The following HLA-DQB2 variants were observed in gnomAD, a reference collection of about 807,000 sequenced individuals.
HLA-DQB2 encodes the protein major histocompatibility complex, class II, DQ beta 2.
In HLA-DQB2, 24 loss-of-function variants were observed where a neutral mutation model predicts 29.2. The ratio of observed to expected loss-of-function variants is 0.82; its 90% CI spans 0.60 to 1.16. HLA-DQB2 has a LOEUF of 1.16. HLA-DQB2 is among the 50% of genes most tolerant of loss of function. HLA-DQB2 has a pLI of 0.00. For missense variants in HLA-DQB2, 273 were observed against 343.6 expected, an observed-to-expected ratio of 0.79 and a Z score of 1.62; for synonymous variants, 104 against 133.1, an observed-to-expected ratio of 0.78 and a Z score of 1.51.
At chr6:32,758,775 G>A in intron 3 of HLA-DQB2, 75 bp downstream of exon 3, 1 of 1,524,094 alleles carries the variant, frequency 6.6e-7, no homozygotes, top group Non-Finnish European at 8.9e-7. Flanking sequence ...CAAGAGATGG[G>A]ATGGGAAGGA....
intron 5 of HLA-DQB2, 26 bp from the exon 6 acceptor site, chr6:32,756,492 C>A: frequency 6.4e-7 from 1 of 1,568,466 alleles, no homozygotes; most frequent in Non-Finnish European, 8.7e-7. Context: ...GAGGCATGAT[C>A]AGCACAGGGT....
intron 3 of HLA-DQB2, among the ~76,000 whole-genome samples, chr6:32,758,271 AT>A (rs1320573667): frequency 6.6e-6 from 1 of 152,154 alleles, no homozygotes; most frequent in Non-Finnish European, 1.5e-5. Context: ...ATTAGACCAG[AT>A]TCTTGTCACC....
intron 2 of HLA-DQB2, among the ~76,000 whole-genome samples, chr6:32,759,617 T>C (rs1040046982): frequency 6.6e-6 from 1 of 152,230 alleles, no homozygotes; most frequent in Non-Finnish European, 1.5e-5. Context: ...ATTTAATGTA[T>C]GCTTTATTTA....
Position 32,759,106 on chromosome 6 carries a change from T to C in HLA-DQB2, c.390A>G (p.Pro130=), listed in dbSNP as rs753015252. 6.8e-6 allele frequency: 11 copies of C among 1,613,508 alleles called. No homozygotes were observed. Among genetic ancestry groups the C allele is most frequent in the Admixed American group, 1.7e-5 (1 of 60,012 alleles). The change falls in exon 3 of 6, where the codon CCA becomes CCG. Residue 130 remains proline (P), a synonymous_variant. Transcript: ENST00000437316. The part of the protein sequence containing the change: ...RQVEPTVTIS[P]SRTEALNHHN... ...GGTGGTTGAGGGCCTCTGTCCTGGA[T>C]GGGGAGATGGTCACTGTGGGCTCCA...
At chr6:32,757,379 C>T in intron 4 of HLA-DQB2, 75 bp from the exon 5 acceptor site, 1 of 1,115,458 alleles carries the variant, frequency 9.0e-7, no homozygotes, top group Non-Finnish European at 1.3e-6. Context: ...GAAAATGACA[C>T]ATGTAGTTTA....
In HLA-DQB2 at chr6:32,758,868, G is replaced by A; in HGVS notation, c.628C>T (p.Pro210Ser). ...CCCTTACGCCACTCCACGGTGATGGGGCTCTGGAGGCTGGGGTGCTCCACT... is the reference window on the plus strand; with the variant it reads ...CCCTTACGCCACTCCACGGTGATGGAGCTCTGGAGGCTGGGGTGCTCCACT... ...CQVEHPSLQS[P>S]ITVEWRAQSE... The change falls in exon 3 of 6, where the codon CCC becomes TCC. Residue 210 changes from proline (P) to serine (S), a missense_variant. By Grantham distance (74) the Pro-to-Ser change is moderately conservative (BLOSUM62 -1). Transcript: ENST00000437316. 1 of 1,613,894 alleles carries A rather than the reference G, an allele frequency of 6.2e-7. No individual in the cohort carries two copies. Among genetic ancestry groups the A allele is most frequent in the African/African-American group, 1.3e-5 (1 of 75,054 alleles).
At chr6:32,761,026 A>G (rs1764740934) in intron 2 of HLA-DQB2, among the ~76,000 whole-genome samples, 1 of 152,286 alleles carries the variant, frequency 6.6e-6, no homozygotes, top group African/African-American at 2.4e-5. Flanking sequence ...CGAGTCAGGT[A>G]CTAGGCATGC....
chr6:32,757,046 C>A, intron 5 of HLA-DQB2: 1 of 1,373,384 alleles, frequency 7.3e-7, no homozygotes, highest in South Asian at 1.6e-5. Context: ...TTGAGACAGA[C>A]TCTAGCTCTA....
In HLA-DQB2 at chr6:32,761,670, C is replaced by G; in HGVS notation, c.354G>C (p.Leu118Phe). ...GACGACGACGCTCACCTTGCCGCTG[C>G]AAGGTCGTGCGCAGCTCCGCCTCGT... ...HNYEAELRTT[L>F]QRQVEPTVTI... Residue 118 changes from leucine (L) to phenylalanine (F), a missense_variant, in exon 2 of 6, where the codon TTG (leucine) becomes TTC (phenylalanine). Transcript: ENST00000437316. 6.5e-7 allele frequency: 1 copy of G among 1,549,090 alleles called. No homozygotes were observed. Among genetic ancestry groups the G allele is most frequent in the Non-Finnish European group, 8.7e-7 (1 of 1,147,082 alleles).
rs1205042742 is a variant in HLA-DQB2, at chr6:32,758,986, C to T, written c.510G>A (p.Val170=). 8.7e-6 allele frequency: 14 copies of T among 1,614,128 alleles called. No homozygotes were observed. The highest frequency in any genetic ancestry group is 1.1e-5 in the Non-Finnish European group (13 of 1,180,062). The part of the protein sequence containing the change: ...RNDQEETAGV[V]STSLIRNGDW... ...CACCATTCCTAATGAGGGAGGTGGA[C>T]ACAACACCGGCTGTCTCCTCCTGGT... The change falls in exon 3 of 6, where the codon GTG becomes GTA. Residue 170 remains valine, a synonymous_variant. Transcript: ENST00000437316.
At chr6:32,761,599 G>A in intron 2 of HLA-DQB2, 61 bp downstream of exon 2, 3 of 1,432,114 alleles carry the variant, frequency 2.1e-6, no homozygotes, top group Non-Finnish European at 2.7e-6. Context: ...TCGCCCCTCT[G>A]TGCGCAAGAG....
chr6:32,757,129 C>T (rs1286441295), intron 5 of HLA-DQB2, 152 bp downstream of exon 5: 2 of 1,462,426 alleles, frequency 1.4e-6, no homozygotes, highest in African/African-American at 1.4e-5. Flanking sequence ...AAGTGATTCT[C>T]TTGCCTCAAC....
intron 5 of HLA-DQB2, chr6:32,756,697 A>C (rs1764290442): frequency 7.5e-7 from 1 of 1,332,334 alleles, no homozygotes; most frequent in Non-Finnish European, 9.6e-7. Context: ...CCTTCTGGGT[A>C]ATATGAAGAG....
chr6:32,761,883 G>A lies in HLA-DQB2; in HGVS notation c.141C>T (p.Asn47=). The change falls in exon 2 of 6, where the codon AAC becomes AAT. Residue 47 remains asparagine, a synonymous_variant. Transcript: ENST00000437316. ...CCACACCGCGCACGCGCTCTGTCCC[G>A]TTGGTGAAGTAGCACATGCCCTTAA... The part of the protein sequence containing the change: ...VQFKGMCYFT[N]GTERVRGVAR... 1 of 1,612,464 alleles carries A rather than the reference G, an allele frequency of 6.2e-7. No individual in the cohort carries two copies. Among genetic ancestry groups the A allele is most frequent in the Non-Finnish European group, 8.5e-7 (1 of 1,179,412 alleles).
Position 32,758,941 on chromosome 6 carries a change from C to T in HLA-DQB2, c.555G>A (p.Leu185=). The part of the protein sequence containing the change: ...IRNGDWTFQI[L]VMLEITPQRG... The stretch of plus-strand genomic sequence containing the variant: ...GCTGGGGAGTTATTTCCAGCATCAC[C>T]AGAATCTGGAAGGTCCAGTCACCAT... The change falls in exon 3 of 6, where the codon CTG becomes CTA. Residue 185 remains leucine (L), a synonymous_variant. Coordinates refer to ENST00000437316, the MANE Select transcript of HLA-DQB2 (RefSeq NM_001300790.2). 1 of 1,614,206 alleles carries T rather than the reference C, an allele frequency of 6.2e-7. No individual in the cohort carries two copies. The highest frequency in any genetic ancestry group is 8.5e-7 in the Non-Finnish European group (1 of 1,180,034).
intron 3 of HLA-DQB2, 141 bp downstream of exon 3, chr6:32,758,709 G>T: frequency 1.1e-6 from 1 of 933,192 alleles, no homozygotes. Context: ...TGCTTGCCAT[G>T]GGGCAACAGG....
chr6:32,757,906 A>G, intron 3 of HLA-DQB2, 23 bp from the exon 4 acceptor site: 2 of 1,557,714 alleles, frequency 1.3e-6, no homozygotes, highest in Non-Finnish European at 1.8e-6. Context: ...ACTGAGTGTG[A>G]GTGTTTGTCC....
chr6:32,756,749 A>G, intron 5 of HLA-DQB2: 1 of 1,289,652 alleles, frequency 7.8e-7, no homozygotes, highest in Non-Finnish European at 9.8e-7. Flanking sequence ...CATCTCCACC[A>G]CTAGCAGCCT....
rs1439821054 is a variant in HLA-DQB2, at chr6:32,760,800, AC to A, written c.364+859del. On this transcript the variant is annotated intron_variant, in intron 2 of 5. Transcript: ENST00000437316. ...AGCGTTGTTTTTATTTTCAGCAAAC[AC>A]CTTTTTCCCCAGACTGCATTCACAA... Among the ~76,000 whole-genome samples, 450 of 152,016 alleles carry A rather than the reference AC, an allele frequency of 3.0e-3. 1 individual carries two copies. Among genetic ancestry groups the A allele is most frequent in the African/African-American group, 0.01 (427 of 41,458 alleles).
Sources: gnomAD v4.1 joint callset for allele counts (sites outside exome capture counted in the v4.1 genomes callset) on GRCh38, gnomAD v4.1.1 for gene constraint, MANE v1.5 for transcripts, NCBI Gene and HGNC (gene_info 2026-07-23, HGNC 2026-07-21) for gene names.